The following SKAP2 variants were observed in gnomAD, a reference collection of about 807,000 sequenced individuals.
SKAP2 encodes the protein src kinase-associated phosphoprotein 2.
In SKAP2, 28 loss-of-function variants were observed where a neutral mutation model predicts 54.9. That is an observed-to-expected ratio of 0.51 (90% CI 0.38 to 0.70). The LOEUF is 0.70. SKAP2 is among the 30% of genes least tolerant of loss of function. The probability of loss-of-function intolerance (pLI) is 0.00; values close to 1 mark genes in which losing one functional copy is unlikely to be tolerated. For synonymous variants in SKAP2, 137 were observed against 134.3 expected, an observed-to-expected ratio of 1.02 and a Z score of -0.14; for missense variants, 356 against 424.1, an observed-to-expected ratio of 0.84 and a Z score of 1.41.
chr7:26,769,262 G>C (rs554220384), intron 4 of SKAP2, among the ~76,000 whole-genome samples: 3 of 152,222 alleles, frequency 2.0e-5, no homozygotes, highest in African/African-American at 7.2e-5. Context: ...TGATACTTGG[G>C]TATGCTTCAT....
At chr7:26,863,552 C>T (rs1785310536) in intron 1 of SKAP2, among the ~76,000 whole-genome samples, 1 of 152,162 alleles carries the variant, frequency 6.6e-6, no homozygotes, top group Non-Finnish European at 1.5e-5. Context: ...TGAACATACA[C>T]ACCTCCGTAT....
chr7:26,718,252 G>A (rs1787503807), intron 9 of SKAP2, among the ~76,000 whole-genome samples: 1 of 151,704 alleles, frequency 6.6e-6, no homozygotes, highest in South Asian at 2.1e-4. Context: ...AAATAGGGGA[G>A]AGGAATGAGA....
intron 9 of SKAP2, among the ~76,000 whole-genome samples, chr7:26,698,987 A>G (rs1009279947): frequency 1.3e-5 from 2 of 152,218 alleles, no homozygotes; most frequent in Non-Finnish European, 2.9e-5. Flanking sequence ...AGTTGTGTCA[A>G]TATTTGTAGG....
intron 4 of SKAP2, among the ~76,000 whole-genome samples, chr7:26,761,313 G>A (rs770088529): frequency 7.2e-5 from 11 of 152,110 alleles, no homozygotes; most frequent in Non-Finnish European, 1.2e-4. Context: ...TAATAAATCT[G>A]TAATGTCAAA....
intron 4 of SKAP2, among the ~76,000 whole-genome samples, chr7:26,823,063 G>A (rs1401204255): frequency 6.6e-6 from 1 of 152,088 alleles, no homozygotes; most frequent in Non-Finnish European, 1.5e-5. Context: ...GCCAAGTTGT[G>A]AATGCAAATG....
intron 11 of SKAP2, among the ~76,000 whole-genome samples, chr7:26,683,755 A>C (rs906682191): frequency 6.6e-6 from 1 of 152,198 alleles, no homozygotes; most frequent in Non-Finnish European, 1.5e-5. Context: ...TTTATGCACC[A>C]GCCATCTACT....
chr7:26,667,709 C>G lies in SKAP2; in HGVS notation c.*1957G>C, dbSNP rs1179359384. The G allele has an allele frequency of 6.6e-6, 1 of 152,558 alleles. No homozygotes were observed. Among genetic ancestry groups the G allele is most frequent in the Non-Finnish European group, 1.5e-5 (1 of 68,042 alleles). The allele number at this position is 152,558 out of a possible 1,614,324, so 9.5% of individuals were successfully genotyped here. On this transcript the variant is annotated 3_prime_UTR_variant, in exon 13 of 13. Coordinates refer to ENST00000345317, the MANE Select transcript of SKAP2 (RefSeq NM_003930.5). ...CTTTCCATCATGGGCGAGTTTGTGCCATGGGGGAAGGGTTTCAAGAGGTTT... is the reference window on the plus strand; with the variant it reads ...CTTTCCATCATGGGCGAGTTTGTGCGATGGGGGAAGGGTTTCAAGAGGTTT...
chr7:26,760,474 C>T (rs1398448543), intron 4 of SKAP2, among the ~76,000 whole-genome samples: 4 of 151,912 alleles, frequency 2.6e-5, no homozygotes, highest in South Asian at 2.1e-4. Flanking sequence ...CAGATAGTAC[C>T]GAATCCTACA....
intron 4 of SKAP2, among the ~76,000 whole-genome samples, chr7:26,744,952 C>A (rs142408132): frequency 6.6e-6 from 1 of 152,124 alleles, no homozygotes; most frequent in Admixed American, 6.6e-5. Flanking sequence ...GAATCCAAAG[C>A]CTTATTTTTA....
intron 4 of SKAP2, among the ~76,000 whole-genome samples, chr7:26,776,927 C>T (rs1316986719): frequency 6.6e-6 from 1 of 152,162 alleles, no homozygotes; most frequent in African/African-American, 2.4e-5. Flanking sequence ...CATCTACATC[C>T]TGTGCTGTCA....
At chr7:26,826,857 C>A (rs1354416554) in intron 4 of SKAP2, among the ~76,000 whole-genome samples, 1 of 152,062 alleles carries the variant, frequency 6.6e-6, no homozygotes, top group South Asian at 2.1e-4. Flanking sequence ...ACTTTTATTC[C>A]ATCTAGCACT....
In SKAP2 at chr7:26,811,808, TGTA is replaced by T. The variant is rs553984046; in HGVS notation, c.307+32219_307+32221del. 2.9e-3 allele frequency among the ~76,000 whole-genome samples: 444 copies of T among 152,320 alleles called. 4 individuals carry two copies. The highest frequency in any genetic ancestry group is 0.01 in the African/African-American group (421 of 41,582). ...GACTAATAAATACAAGTAATTTTAATGTAGTAGATTAGAGTTTTAAAATGCCAT... is the reference window on the plus strand; with the variant it reads ...GACTAATAAATACAAGTAATTTTAATGTAGATTAGAGTTTTAAAATGCCAT... On this transcript the variant is annotated intron_variant, in intron 4 of 12. Coordinates refer to ENST00000345317, the MANE Select transcript of SKAP2 (RefSeq NM_003930.5).
chr7:26,765,141 G>A (rs897924574), intron 4 of SKAP2, among the ~76,000 whole-genome samples: 15 of 136,806 alleles, frequency 1.1e-4, no homozygotes, highest in Non-Finnish European at 1.0e-4. Context: ...TCCAGCATCT[G>A]TTGTTTCCTG....
rs114307613 is a variant in SKAP2, at chr7:26,851,987, A to G, written c.199+2150T>C. ...GATACTTAACTGTCATTTAAAATAC[A>G]TATATGCATATATGTAAATAAAATA... On this transcript the variant is annotated intron_variant, in intron 3 of 12. Transcript: ENST00000345317. Among the ~76,000 whole-genome samples, 861 of 152,308 alleles carry G rather than the reference A, an allele frequency of 5.7e-3. 9 individuals carry two copies. Among genetic ancestry groups the G allele is most frequent in the African/African-American group, 0.02 (826 of 41,558 alleles).
At chr7:26,763,994 CAT>C (rs1298279536) in intron 4 of SKAP2, among the ~76,000 whole-genome samples, 3 of 152,160 alleles carry the variant, frequency 2.0e-5, no homozygotes, top group East Asian at 3.8e-4. Flanking sequence ...TTAGGCAGCA[CAT>C]GACTGTTCTT....
chr7:26,833,397 C>CA (rs1218013639), intron 4 of SKAP2, among the ~76,000 whole-genome samples: 1,169 of 85,042 alleles, frequency 0.014, 17 homozygotes, highest in African/African-American at 0.021. Flanking sequence ...GACTCCGTCT[C>CA]AAAAAAAAAA....
intron 1 of SKAP2, chr7:26,857,486 C>T: frequency 2.0e-6 from 2 of 985,328 alleles, no homozygotes; most frequent in Non-Finnish European, 2.4e-6. Flanking sequence ...CCAGCCTCTT[C>T]CAGGCACAGG....
intron 4 of SKAP2, among the ~76,000 whole-genome samples, chr7:26,832,981 C>T (rs1027317819): frequency 3.3e-5 from 5 of 152,158 alleles, no homozygotes; most frequent in Non-Finnish European, 7.3e-5. Flanking sequence ...TCCCAAACTC[C>T]ACTCTCTCAT....
rs181152540 is a variant in SKAP2 at position 26,727,077 on chromosome 7, T to G, written c.470-71A>C. Reference sequence around the variant, plus strand: ...TGCTCAATTATCTTTTATGTAAAATTTCTTCATCAATTCTTGGAAATAACA... The same window carrying G: ...TGCTCAATTATCTTTTATGTAAAATGTCTTCATCAATTCTTGGAAATAACA... On this transcript the variant is annotated intron_variant, in intron 6 of 12. Coordinates refer to ENST00000345317, the MANE Select transcript of SKAP2 (RefSeq NM_003930.5). 53 of 1,271,090 alleles carry G rather than the reference T, an allele frequency of 4.2e-5. No individual in the cohort carries two copies. The African/African-American group carries it at 6.9e-4, about 17-fold the overall frequency. The allele number at this position is 1,271,090 out of a possible 1,614,324, so 78.7% of individuals were successfully genotyped here.
Sources: allele counts gnomAD v4.1 joint callset (sites outside exome capture counted in the v4.1 genomes callset), GRCh38; gene constraint gnomAD v4.1.1; transcripts MANE v1.5; gene names NCBI Gene and HGNC (gene_info 2026-07-23, HGNC 2026-07-21).